RFX4: variants seen among roughly 807,000 people sequenced by gnomAD.
RFX4 encodes the protein regulatory factor X4.
In RFX4, 10 loss-of-function variants were observed where a neutral mutation model predicts 95.0. The observed-to-expected ratio is 0.11, with a 90% CI of 0.06 to 0.18. The LOEUF (loss-of-function observed/expected upper bound fraction) is 0.18. RFX4 is among the 10% of genes least tolerant of loss of function. The pLI, the probability that RFX4 is intolerant of heterozygous loss-of-function variation, is 1.00. For missense variants in RFX4, 640 were observed against 922.0 expected (o/e 0.69, Z 3.96); for synonymous variants, 321 against 340.7 (o/e 0.94, Z 0.64).
chr12:106,745,890 A>G (rs778278169), intron 15 of RFX4, among the ~76,000 whole-genome samples: 5 of 152,198 alleles, frequency 3.3e-5, no homozygotes, highest in Non-Finnish European at 7.3e-5. Flanking sequence ...AAGTTGTCTG[A>G]TGAGTTTAGT....
In RFX4 at chr12:106,719,999, C is replaced by G; in HGVS notation, c.1178C>G (p.Pro393Arg). 6.2e-7 allele frequency: 1 copy of G among 1,614,174 alleles called. No individual in the cohort carries two copies. The highest frequency in any genetic ancestry group is 8.5e-7 in the Non-Finnish European group (1 of 1,180,028). The change falls in exon 12 of 18, where the codon CCC (proline) becomes CGC (arginine). Residue 393 changes from proline (P) to arginine (R), a missense_variant. Pro to Arg is a moderately radical substitution (Grantham distance 103). Around this residue, in one of 7 missense-constraint regions of RFX4, gnomAD observed 72 missense variants for 80.5 expected, o/e 0.89. Coordinates refer to ENST00000392842, the MANE Select transcript of RFX4 (RefSeq NM_213594.3). Reference protein sequence around the residue: ...EFDHLLEEQSPIESYIEWLDT... With the variant: ...EFDHLLEEQSRIESYIEWLDT... ...GACCATCTCTTGGAGGAGCAGTCTC[C>G]CATCGAGTCCTACATTGAGTGGCTG...
At chr12:106,608,333 C>A (rs933508009) in intron 1 of RFX4, among the ~76,000 whole-genome samples, 4 of 152,224 alleles carry the variant, frequency 2.6e-5, no homozygotes, top group Non-Finnish European at 5.9e-5. Context: ...CTCTTTCAAC[C>A]AGAGTCCCTA....
chr12:106,753,699 G>A (rs771335624), intron 17 of RFX4, among the ~76,000 whole-genome samples: 49 of 152,200 alleles, frequency 3.2e-4, no homozygotes, highest in Non-Finnish European at 6.8e-4. Flanking sequence ...CCCAGGCGCT[G>A]TGACTCCTGT....
chr12:106,671,690 C>G (rs2041283753), intron 4 of RFX4, among the ~76,000 whole-genome samples: 1 of 151,894 alleles, frequency 6.6e-6, no homozygotes, highest in Non-Finnish European at 1.5e-5. Context: ...GAGATGGAGT[C>G]TCGCTCTGTC....
chr12:106,653,412 G>A (rs537507145), intron 3 of RFX4, among the ~76,000 whole-genome samples: 2 of 152,264 alleles, frequency 1.3e-5, no homozygotes, highest in Admixed American at 6.5e-5. Flanking sequence ...CTTGTCACAC[G>A]TTACCTCGTC....
intron 10 of RFX4, 27 bp from the exon 11 acceptor site, chr12:106,715,373 T>C (rs1418307769): frequency 6.2e-7 from 1 of 1,607,040 alleles, no homozygotes; most frequent in Non-Finnish European, 8.5e-7. Context: ...ACCCATGAGC[T>C]AACGAGTTGA....
At position 106,586,285 on chromosome 12, in the gene RFX4, A is replaced by G. The variant is rs1439226892; in HGVS notation, c.43+2922A>G. Among the ~76,000 whole-genome samples the G allele has an allele frequency of 6.6e-6, 1 of 152,002 alleles. No individual in the cohort carries two copies. Among genetic ancestry groups the G allele is most frequent in the African/African-American group, 2.4e-5 (1 of 41,422 alleles). On this transcript the variant is annotated intron_variant, in intron 1 of 17. Coordinates refer to ENST00000392842, the MANE Select transcript of RFX4 (RefSeq NM_213594.3). The surrounding 1 kb of genome is among the most constrained non-coding windows in gnomAD (Gnocchi z 5.6). ...CCGCGCTACAGCCCCACGCCGCGCA[A>G]AAGTGGGTGCTGAGCCCCGCGTGGC... is the stretch of plus-strand genomic sequence containing the variant.
intron 2 of RFX4, among the ~76,000 whole-genome samples, chr12:106,633,194 A>G (rs1352969740): frequency 6.6e-6 from 1 of 152,206 alleles, no homozygotes; most frequent in East Asian, 1.9e-4. Context: ...GAGCCAGCAG[A>G]GGTGGACAGC....
At chr12:106,673,009 A>G (rs945271922) in intron 4 of RFX4, among the ~76,000 whole-genome samples, 4 of 152,174 alleles carry the variant, frequency 2.6e-5, no homozygotes, top group African/African-American at 7.2e-5. Context: ...GGAGGAGGAG[A>G]AGATTTGGCC....
At chr12:106,706,273 T>C (rs1565987944) in intron 8 of RFX4, among the ~76,000 whole-genome samples, 1 of 152,008 alleles carries the variant, frequency 6.6e-6, no homozygotes, top group Non-Finnish European at 1.5e-5. Flanking sequence ...AGAATTGGGG[T>C]TTTTATCCTA....
chr12:106,716,395 G>A (rs1343639446), intron 11 of RFX4, among the ~76,000 whole-genome samples: 1 of 151,980 alleles, frequency 6.6e-6, no homozygotes, highest in Admixed American at 6.6e-5. Flanking sequence ...AAGAAGAGGG[G>A]TCTTTCTGAA....
At chr12:106,681,776 C>G (rs2041520173) in intron 4 of RFX4, among the ~76,000 whole-genome samples, 1 of 152,078 alleles carries the variant, frequency 6.6e-6, no homozygotes, top group Non-Finnish European at 1.5e-5. Flanking sequence ...ATAGAGTGGC[C>G]AAGTGAGACC....
At chr12:106,647,870 G>A (rs1592893602) in intron 3 of RFX4, among the ~76,000 whole-genome samples, 1 of 152,298 alleles carries the variant, frequency 6.6e-6, no homozygotes, top group South Asian at 2.1e-4. Context: ...GATGAAGGAA[G>A]TGAGAGAGTT....
intron 2 of RFX4, among the ~76,000 whole-genome samples, chr12:106,610,294 A>G (rs2137207969): frequency 6.6e-6 from 1 of 152,032 alleles, no homozygotes; most frequent in African/African-American, 2.4e-5. Flanking sequence ...AGTTTTATTT[A>G]AGTTTGGCAA....
chr12:106,606,892 T>C (rs1177158320), intron 1 of RFX4, among the ~76,000 whole-genome samples: 2 of 152,230 alleles, frequency 1.3e-5, no homozygotes, highest in Non-Finnish European at 2.9e-5. Flanking sequence ...TTTTATGGTG[T>C]GTAACCTAAG....
At chr12:106,599,779 A>G (rs947626249) in intron 1 of RFX4, among the ~76,000 whole-genome samples, 4 of 151,936 alleles carry the variant, frequency 2.6e-5, no homozygotes, top group Non-Finnish European at 5.9e-5. Context: ...GGCCTCCTAC[A>G]GAGGGGGACA....
At chr12:106,618,937 G>A (rs979820385) in intron 2 of RFX4, among the ~76,000 whole-genome samples, 2 of 151,964 alleles carry the variant, frequency 1.3e-5, no homozygotes, top group Admixed American at 1.3e-4. Flanking sequence ...ATTACAATAT[G>A]CATTTTTGCA....
At position 106,700,552 on chromosome 12, in the gene RFX4, G is replaced by A. The variant is rs1171043865; in HGVS notation, c.833+4106G>A. On this transcript the variant is annotated intron_variant, in intron 8 of 17. Coordinates refer to ENST00000392842, the MANE Select transcript of RFX4 (RefSeq NM_213594.3). ...CTCCCGAGTAGCTGGGACTACAGGC[G>A]CCAGCTACCACGCCCGGCTAATTTT... is the stretch of plus-strand genomic sequence containing the variant. Among the ~76,000 whole-genome samples the A allele has an allele frequency of 6.0e-5, 9 of 150,764 alleles. No homozygotes were observed. In the Middle Eastern group the frequency reaches 0.01, roughly 172 times the overall value.
At chr12:106,741,268 T>G (rs910565883) in intron 15 of RFX4, among the ~76,000 whole-genome samples, 15 of 151,770 alleles carry the variant, frequency 9.9e-5, no homozygotes, top group African/African-American at 3.6e-4. Flanking sequence ...CATGACAGAG[T>G]GAGACTCTGT....
Sources: allele counts gnomAD v4.1 joint callset (sites outside exome capture counted in the v4.1 genomes callset), GRCh38; gene constraint gnomAD v4.1.1; regional missense constraint gnomAD v4.1.1; non-coding constraint Gnocchi (gnomAD v3.1); transcripts MANE v1.5; gene names NCBI Gene and HGNC (gene_info 2026-07-23, HGNC 2026-07-21).